Variants in GPHN observed in about 807,000 individuals in gnomAD.
GPHN encodes the protein gephyrin.
In GPHN, 17 loss-of-function variants were observed where a neutral mutation model predicts 95.5. That is an observed-to-expected ratio of 0.18 (90% CI 0.12 to 0.27). GPHN has a LOEUF of 0.27. GPHN is among the 10% of genes least tolerant of loss of function. GPHN has a pLI of 1.00. For synonymous variants in GPHN, 320 were observed against 322.5 expected, an observed-to-expected ratio of 0.99 and a Z score of 0.08; for missense variants, 660 against 978.1, an observed-to-expected ratio of 0.67 and a Z score of 4.34.
chr14:67,382,565 G>T, the GPHN span: 1 of 1,613,822 alleles, frequency 6.2e-7, no homozygotes, highest in Non-Finnish European at 8.5e-7. Context: ...GAGGAAAAGA[G>T]GGGTGTGTTC....
At chr14:67,363,196 C>T in the GPHN span, among the ~76,000 whole-genome samples, 1 of 151,832 alleles carries the variant, frequency 6.6e-6, no homozygotes, top group East Asian at 1.9e-4. Context: ...TATTCAACAA[C>T]AGTTTCCCCA....
At chr14:66,827,780 C>T (rs2153495617) in intron 4 of GPHN, among the ~76,000 whole-genome samples, 1 of 151,958 alleles carries the variant, frequency 6.6e-6, no homozygotes, top group South Asian at 2.1e-4. Context: ...TGATCTCTTC[C>T]ATCTCTATAT....
At chr14:67,204,268 C>T in the GPHN span, among the ~76,000 whole-genome samples, 2 of 152,030 alleles carry the variant, frequency 1.3e-5, no homozygotes, top group Admixed American at 1.3e-4. Context: ...GAAACCTTGT[C>T]TCTACAAAAA....
intron 1 of GPHN, among the ~76,000 whole-genome samples, chr14:66,536,990 A>T (rs949046444): frequency 5.3e-5 from 8 of 152,096 alleles, no homozygotes; most frequent in African/African-American, 1.9e-4. Flanking sequence ...GTCATTATGA[A>T]ATGACCTTCT....
chr14:67,698,975 G>A, the GPHN span, among the ~76,000 whole-genome samples: 2 of 152,198 alleles, frequency 1.3e-5, no homozygotes, highest in Admixed American at 1.3e-4. Context: ...AAAGGGCCAG[G>A]CATGTTGGCT....
At chr14:66,612,628 G>A (rs922426157) in intron 1 of GPHN, among the ~76,000 whole-genome samples, 7 of 151,996 alleles carry the variant, frequency 4.6e-5, no homozygotes, top group Admixed American at 1.3e-4. Context: ...GGACAATTAC[G>A]ACAATTAAGT....
intron 3 of GPHN, among the ~76,000 whole-genome samples, chr14:66,813,617 C>A (rs999788246): frequency 6.6e-6 from 1 of 152,234 alleles, no homozygotes; most frequent in African/African-American, 2.4e-5. Context: ...GTCTTAAGGG[C>A]AGCAAGCCAG....
At chr14:67,007,593 C>T (rs2072689667) in intron 9 of GPHN, among the ~76,000 whole-genome samples, 1 of 152,210 alleles carries the variant, frequency 6.6e-6, no homozygotes, top group African/African-American at 2.4e-5. Flanking sequence ...TACCATATGG[C>T]AAAGGTCTCT....
chr14:67,472,262 C>T, the GPHN span: 4 of 152,472 alleles, frequency 2.6e-5, no homozygotes, highest in Admixed American at 2.6e-4. Flanking sequence ...CTCTTTCTTC[C>T]TCTCATTCTC....
intron 9 of GPHN, among the ~76,000 whole-genome samples, chr14:67,019,383 AAAG>A (rs1429832225): frequency 2.0e-5 from 3 of 152,188 alleles, no homozygotes; most frequent in Admixed American, 6.5e-5. Flanking sequence ...AATGTCCTTC[AAAG>A]AAGATGACTT....
chr14:66,984,444 T>C (rs768495670), intron 9 of GPHN, among the ~76,000 whole-genome samples: 17 of 152,308 alleles, frequency 1.1e-4, no homozygotes, highest in Middle Eastern at 6.8e-3. Context: ...ATTTAGTTAA[T>C]GCTGAAAAAT....
At chr14:67,415,539 A>G in the GPHN span, among the ~76,000 whole-genome samples, 1 of 152,230 alleles carries the variant, frequency 6.6e-6, no homozygotes, top group Non-Finnish European at 1.5e-5. Context: ...AGCATATCAC[A>G]AAACTGCTTT....
At chr14:66,894,672 A>C (rs1332081774) in intron 5 of GPHN, among the ~76,000 whole-genome samples, 1 of 152,226 alleles carries the variant, frequency 6.6e-6, no homozygotes, top group Non-Finnish European at 1.5e-5. Context: ...CAAGAAAAAA[A>C]CAACCCCATC....
chr14:67,587,235 A>C, the GPHN span: 1 of 1,613,540 alleles, frequency 6.2e-7, no homozygotes, highest in Non-Finnish European at 8.5e-7. Flanking sequence ...CGTTGCTGTG[A>C]ATATTTCTCC....
At chr14:67,040,135 G>C (rs967539817) in intron 10 of GPHN, among the ~76,000 whole-genome samples, 1 of 152,064 alleles carries the variant, frequency 6.6e-6, no homozygotes. Context: ...CATTGTTTCA[G>C]AAAGGAGAGA....
intron 2 of GPHN, among the ~76,000 whole-genome samples, chr14:66,727,697 G>A (rs997854931): frequency 1.1e-4 from 16 of 152,182 alleles, no homozygotes; most frequent in Admixed American, 2.0e-4. Flanking sequence ...TTTCTAAACA[G>A]TAAAGCATTC....
chr14:67,012,782 A>G (rs533537888), intron 9 of GPHN, among the ~76,000 whole-genome samples: 5 of 152,276 alleles, frequency 3.3e-5, no homozygotes, highest in Admixed American at 3.3e-4. Flanking sequence ...CTGTTTCCTC[A>G]GTCTGGAAAG....
chr14:66,520,947 T>A (rs2058459009), intron 1 of GPHN, among the ~76,000 whole-genome samples: 1 of 152,086 alleles, frequency 6.6e-6, no homozygotes, highest in Admixed American at 6.6e-5. Context: ...AGTGAGAACA[T>A]CTGGTATTTG....
At chr14:67,351,961 T>C in the GPHN span, among the ~76,000 whole-genome samples, 12 of 130,694 alleles carry the variant, frequency 9.2e-5, no homozygotes, top group Non-Finnish European at 1.7e-4. Context: ...TCAATAAGCA[T>C]GAAAAGCTCC....
Sources: gnomAD v4.1 joint callset for allele counts (sites outside exome capture counted in the v4.1 genomes callset) on GRCh38, gnomAD v4.1.1 for gene constraint, MANE v1.5 for transcripts, NCBI Gene and HGNC (gene_info 2026-07-23, HGNC 2026-07-21) for gene names.